NKAIN3: variants seen among roughly 807,000 people sequenced by gnomAD.
NKAIN3 encodes sodium/potassium transporting ATPase interacting 3.
Under a neutral mutation model 30.2 loss-of-function variants are expected in NKAIN3, and 25 were observed. That is an observed-to-expected ratio of 0.83 (90% CI 0.60 to 1.16). The LOEUF (loss-of-function observed/expected upper bound fraction) is 1.16, where lower values mean the gene tolerates loss of function less well. Among genes scored for constraint, NKAIN3 ranks in the 50% most tolerant of loss-of-function variants. The probability of loss-of-function intolerance (pLI) is 0.00; values close to 1 mark genes in which losing one functional copy is unlikely to be tolerated. For synonymous variants in NKAIN3, 91 were observed against 89.6 expected, an observed-to-expected ratio of 1.02 and a Z score of -0.09; for missense variants, 225 against 254.1, an observed-to-expected ratio of 0.89 and a Z score of 0.78.
chr8:62,826,325 G>A (rs533524850), intron 4 of NKAIN3, among the ~76,000 whole-genome samples: 2 of 152,110 alleles, frequency 1.3e-5, no homozygotes, highest in Admixed American at 6.6e-5. Context: ...CCAAGAAAAT[G>A]AACTTTATTT....
At chr8:62,515,413 CT>C (rs1807954841) in intron 1 of NKAIN3, among the ~76,000 whole-genome samples, 1 of 152,108 alleles carries the variant, frequency 6.6e-6, no homozygotes, top group African/African-American at 2.4e-5. Context: ...TAAATTGCCT[CT>C]ATCTCTCCCA....
intron 4 of NKAIN3, among the ~76,000 whole-genome samples, chr8:62,801,406 T>C (rs953297137): frequency 6.6e-6 from 1 of 152,164 alleles, no homozygotes; most frequent in African/African-American, 2.4e-5. Flanking sequence ...AGCCAGGTAC[T>C]CTTCTGAGAC....
At chr8:62,572,655 G>A (rs1048837778) in intron 1 of NKAIN3, among the ~76,000 whole-genome samples, 1 of 152,146 alleles carries the variant, frequency 6.6e-6, no homozygotes, top group African/African-American at 2.4e-5. Flanking sequence ...ATCATGGCAG[G>A]AGGTGAATGA....
intron 1 of NKAIN3, among the ~76,000 whole-genome samples, chr8:62,317,597 A>G (rs1238429721): frequency 1.3e-5 from 2 of 152,116 alleles, no homozygotes; most frequent in African/African-American, 4.8e-5. Flanking sequence ...GATATGTGGC[A>G]TTATTTCTGA....
chr8:62,514,776 G>A (rs1436978469), intron 1 of NKAIN3, among the ~76,000 whole-genome samples: 1 of 152,140 alleles, frequency 6.6e-6, no homozygotes, highest in African/African-American at 2.4e-5. Flanking sequence ...TCAGGGATGA[G>A]TGTGGAGCTA....
chr8:62,726,354 G>A (rs1412780920), intron 3 of NKAIN3, among the ~76,000 whole-genome samples: 2 of 151,932 alleles, frequency 1.3e-5, no homozygotes, highest in Non-Finnish European at 2.9e-5. Flanking sequence ...GTGAAAGTGT[G>A]CATCCTTGTT....
chr8:62,654,206 A>G (rs1333341729), intron 3 of NKAIN3, among the ~76,000 whole-genome samples: 1 of 152,138 alleles, frequency 6.6e-6, no homozygotes, highest in Non-Finnish European at 1.5e-5. Context: ...AAAATTAAAA[A>G]TATTACAGCA....
intron 4 of NKAIN3, among the ~76,000 whole-genome samples, chr8:62,870,639 A>G (rs28535037): frequency 0.63 from 73,050 of 116,510 alleles, 23,116 homozygotes; most frequent in African/African-American, 0.7. Context: ...ACTCTATTTT[A>G]TATATATATC....
At position 62,616,947 on chromosome 8, in the gene NKAIN3, G is replaced by C. The variant is rs540113919; in HGVS notation, c.273+27153G>C. Among the ~76,000 whole-genome samples, 6 of 152,306 alleles carry C rather than the reference G, an allele frequency of 3.9e-5. No individual in the cohort carries two copies. In the South Asian group the frequency reaches 6.2e-4, roughly 16 times the overall value. Reference sequence around the variant, plus strand: ...GGTCATGAGGGATTTCTCATAAATGGTTTAGCACCATCACATTGGTGATGT... The same window carrying C: ...GGTCATGAGGGATTTCTCATAAATGCTTTAGCACCATCACATTGGTGATGT... On this transcript the variant is annotated intron_variant, in intron 3 of 6. Coordinates refer to ENST00000623646, the MANE Select transcript of NKAIN3 (RefSeq NM_001304533.3).
At chr8:62,329,715 C>A (rs1450515609) in intron 1 of NKAIN3, among the ~76,000 whole-genome samples, 1 of 151,934 alleles carries the variant, frequency 6.6e-6, no homozygotes. Flanking sequence ...GTATATGTAC[C>A]ATATTTTCTT....
At chr8:62,281,914 T>C (rs1294300416) in intron 1 of NKAIN3, among the ~76,000 whole-genome samples, 1 of 152,094 alleles carries the variant, frequency 6.6e-6, no homozygotes, top group Non-Finnish European at 1.5e-5. Context: ...AAACAATTTT[T>C]TTTTAAAAAA....
At chr8:62,922,170 G>A (rs912395743) in intron 5 of NKAIN3, among the ~76,000 whole-genome samples, 1 of 152,118 alleles carries the variant, frequency 6.6e-6, no homozygotes, top group African/African-American at 2.4e-5. Context: ...TTTGACCCTT[G>A]CTATTATACT....
At chr8:62,907,691 G>A (rs1042534724) in intron 4 of NKAIN3, among the ~76,000 whole-genome samples, 1 of 152,166 alleles carries the variant, frequency 6.6e-6, no homozygotes, top group African/African-American at 2.4e-5. Flanking sequence ...CCCTAGCCTT[G>A]GCAGCATACA....
At chr8:62,836,285 C>T (rs1819361436) in intron 4 of NKAIN3, among the ~76,000 whole-genome samples, 1 of 151,978 alleles carries the variant, frequency 6.6e-6, no homozygotes, top group Non-Finnish European at 1.5e-5. Flanking sequence ...GAAATATACT[C>T]ATTCAACAAA....
chr8:62,346,990 T>C (rs1252762660), intron 1 of NKAIN3, among the ~76,000 whole-genome samples: 1 of 152,070 alleles, frequency 6.6e-6, no homozygotes, highest in East Asian at 1.9e-4. Context: ...ACTGAGGACA[T>C]TTAGAATAGT....
chr8:62,556,645 A>G (rs558842717), intron 1 of NKAIN3, among the ~76,000 whole-genome samples: 1 of 152,054 alleles, frequency 6.6e-6, no homozygotes, highest in Non-Finnish European at 1.5e-5. Context: ...AAGCAAGGTG[A>G]TATAGCTATG....
intron 4 of NKAIN3, among the ~76,000 whole-genome samples, chr8:62,764,557 T>G (rs557337546): frequency 6.6e-6 from 1 of 152,106 alleles, no homozygotes; most frequent in Non-Finnish European, 1.5e-5. Context: ...CTTGAACTCC[T>G]GGGCTCAAGC....
chr8:62,707,388 C>G (rs1457042977), intron 3 of NKAIN3, among the ~76,000 whole-genome samples: 1 of 152,094 alleles, frequency 6.6e-6, no homozygotes, highest in East Asian at 1.9e-4. Context: ...ACACCAACAT[C>G]TACTGTTTTT....
intron 1 of NKAIN3, among the ~76,000 whole-genome samples, chr8:62,329,573 T>C (rs1285018718): frequency 6.6e-6 from 1 of 152,172 alleles, no homozygotes; most frequent in Non-Finnish European, 1.5e-5. Flanking sequence ...TTTCCACTTA[T>C]AAGTGAGAAC....
Sources: gnomAD v4.1 joint callset for allele counts (sites outside exome capture counted in the v4.1 genomes callset) on GRCh38, gnomAD v4.1.1 for gene constraint, MANE v1.5 for transcripts, NCBI Gene and HGNC (gene_info 2026-07-23, HGNC 2026-07-21) for gene names.